ST8SIA6: variants seen among roughly 807,000 people sequenced by gnomAD.
ST8SIA6 encodes the protein ST8 alpha-N-acetyl-neuraminide alpha-2,8-sialyltransferase 6.
A neutral mutation model predicts 33.6 loss-of-function variants in ST8SIA6; 39 were observed. That is an observed-to-expected ratio of 1.16 (90% CI 0.90 to 1.52). ST8SIA6 has a LOEUF of 1.52. ST8SIA6 is among the 40% of genes most tolerant of loss of function. The probability of loss-of-function intolerance (pLI) is 0.00; values close to 1 mark genes in which losing one functional copy is unlikely to be tolerated. For missense variants in ST8SIA6, 441 were observed against 443.8 expected (o/e 0.99, Z 0.06); for synonymous variants, 172 against 167.2 (o/e 1.03, Z -0.22).
At chr10:17,435,044 CAG>C (rs1376768370) in intron 2 of ST8SIA6, among the ~76,000 whole-genome samples, 4 of 152,188 alleles carry the variant, frequency 2.6e-5, no homozygotes, top group Admixed American at 1.3e-4. Flanking sequence ...AAATTACACT[CAG>C]GGGGATGCCA....
At chr10:17,361,732 G>T (rs1348801959) in intron 3 of ST8SIA6, among the ~76,000 whole-genome samples, 1 of 150,168 alleles carries the variant, frequency 6.7e-6, no homozygotes, top group Non-Finnish European at 1.5e-5. Context: ...AAAAAACCGG[G>T]CAGGCCAACA....
At chr10:17,336,893 C>T (rs1244153242) in intron 4 of ST8SIA6, among the ~76,000 whole-genome samples, 1 of 152,076 alleles carries the variant, frequency 6.6e-6, no homozygotes, top group African/African-American at 2.4e-5. Flanking sequence ...CATGCCTGGC[C>T]TACATGTATG....
intron 5 of ST8SIA6, among the ~76,000 whole-genome samples, chr10:17,329,979 C>T (rs1848244779): frequency 6.6e-6 from 1 of 151,958 alleles, no homozygotes; most frequent in South Asian, 2.1e-4. Context: ...GCAGTTCGTC[C>T]TGGAGAGTTT....
At chr10:17,393,882 C>T (rs1405131694) in intron 2 of ST8SIA6, among the ~76,000 whole-genome samples, 1 of 152,186 alleles carries the variant, frequency 6.6e-6, no homozygotes, top group Non-Finnish European at 1.5e-5. Flanking sequence ...AATTTATCTC[C>T]CCCGCCACTT....
At chr10:17,353,603 G>A (rs1017452804) in intron 4 of ST8SIA6, among the ~76,000 whole-genome samples, 1 of 152,088 alleles carries the variant, frequency 6.6e-6, no homozygotes, top group Non-Finnish European at 1.5e-5. Context: ...TAACTTCCAA[G>A]AAATTTTAAT....
chr10:17,432,008 G>A (rs578003198), intron 2 of ST8SIA6, among the ~76,000 whole-genome samples: 6 of 152,268 alleles, frequency 3.9e-5, no homozygotes, highest in African/African-American at 1.4e-4. Flanking sequence ...GCCGGAAGCC[G>A]GAAGCCGAAA....
At chr10:17,370,371 C>T (rs940221381) in intron 3 of ST8SIA6, among the ~76,000 whole-genome samples, 11 of 152,092 alleles carry the variant, frequency 7.2e-5, no homozygotes, top group Admixed American at 2.0e-4. Context: ...TGCTATTTTA[C>T]TTTTTGTTTG....
intron 2 of ST8SIA6, among the ~76,000 whole-genome samples, chr10:17,452,490 G>C (rs1426707821): frequency 6.6e-6 from 1 of 152,224 alleles, no homozygotes; most frequent in Non-Finnish European, 1.5e-5. Flanking sequence ...CATTCTGCTT[G>C]TGAAAATGTA....
chr10:17,322,333 G>A (rs12784444), intron 7 of ST8SIA6, among the ~76,000 whole-genome samples: 1 of 152,126 alleles, frequency 6.6e-6, no homozygotes, highest in African/African-American at 2.4e-5. Context: ...TGCAAATATA[G>A]ATATACGTAT....
At chr10:17,418,873 A>T (rs941869930) in intron 2 of ST8SIA6, among the ~76,000 whole-genome samples, 19 of 151,550 alleles carry the variant, frequency 1.3e-4, no homozygotes, top group Admixed American at 6.6e-5. Flanking sequence ...GGTGCTTGTA[A>T]TTCCAGCTAC....
chr10:17,446,038 T>TTA (rs1852693765), intron 2 of ST8SIA6, among the ~76,000 whole-genome samples: 1 of 147,952 alleles, frequency 6.8e-6, no homozygotes, highest in African/African-American at 2.5e-5. Context: ...TTATCACAAT[T>TTA]AAAAAAAAAA....
chr10:17,331,682 G>T, intron 4 of ST8SIA6, 130 bp from the exon 5 acceptor site: 4 of 941,552 alleles, frequency 4.2e-6, no homozygotes, highest in Non-Finnish European at 5.8e-6. Flanking sequence ...TATTCACAAA[G>T]ATGACTTTGA....
At chr10:17,326,957 C>T (rs1041608076) in intron 6 of ST8SIA6, 57 bp downstream of exon 6, 23 of 1,211,610 alleles carry the variant, frequency 1.9e-5, no homozygotes, top group Middle Eastern at 2.0e-4. Context: ...ACACTATCCC[C>T]CTCTGAAATA....
At chr10:17,422,821 T>C (rs753127521) in intron 2 of ST8SIA6, among the ~76,000 whole-genome samples, 3 of 152,184 alleles carry the variant, frequency 2.0e-5, no homozygotes, top group Non-Finnish European at 4.4e-5. Context: ...AACTGAATTT[T>C]GCTAAAATTT....
chr10:17,327,621 C>T (rs1848176312), intron 5 of ST8SIA6, among the ~76,000 whole-genome samples: 1 of 147,900 alleles, frequency 6.8e-6, no homozygotes, highest in African/African-American at 2.5e-5. Flanking sequence ...AACAAAAAAC[C>T]AGCCAGGTGC....
chr10:17,438,990 T>G (rs1852375981), intron 2 of ST8SIA6, among the ~76,000 whole-genome samples: 1 of 152,236 alleles, frequency 6.6e-6, no homozygotes, highest in African/African-American at 2.4e-5. Flanking sequence ...TGACTCAGAC[T>G]GCTTTACCCA....
chr10:17,340,302 C>T (rs570289720), intron 4 of ST8SIA6, among the ~76,000 whole-genome samples: 57 of 151,994 alleles, frequency 3.8e-4, no homozygotes, highest in African/African-American at 1.1e-3. Context: ...TCACCTGTTC[C>T]GTCCTGAGTC....
intron 4 of ST8SIA6, among the ~76,000 whole-genome samples, chr10:17,346,084 C>T (rs1210421617): frequency 6.6e-6 from 1 of 152,152 alleles, no homozygotes; most frequent in Admixed American, 6.5e-5. Flanking sequence ...GACACTTCCC[C>T]AAGGAATCCA....
At position 17,316,836 on chromosome 10, in the gene ST8SIA6, G is replaced by A. The variant is rs1215733986; in HGVS notation, c.*4042C>T. 6.6e-6 allele frequency among the ~76,000 whole-genome samples: 1 copy of A among 151,620 alleles called. No individual in the cohort carries two copies. The highest frequency in any genetic ancestry group is 1.9e-4 in the East Asian group (1 of 5,172). On this transcript the variant is annotated 3_prime_UTR_variant, in exon 8 of 8. Transcript: ENST00000377602. ...TTTACTTGTTGATTTACAATTCCTT[G>A]GAATGTCTCTCTATTAATGTCATTA...
Sources: gnomAD v4.1 joint callset for allele counts (sites outside exome capture counted in the v4.1 genomes callset) on GRCh38, gnomAD v4.1.1 for gene constraint, MANE v1.5 for transcripts, NCBI Gene and HGNC (gene_info 2026-07-23, HGNC 2026-07-21) for gene names.